The following CIMIP6 variants were observed in gnomAD, a reference collection of about 807,000 sequenced individuals.
The protein encoded by CIMIP6 is uncharacterized protein C2orf73.
chr2:54,346,771 T>A, the CIMIP6 span, among the ~76,000 whole-genome samples: 2 of 152,154 alleles, frequency 1.3e-5, no homozygotes, highest in African/African-American at 4.8e-5. Context: ...CCTGCTTCCT[T>A]TCTTCTTTCT....
chr2:54,372,570 T>C, the CIMIP6 span, among the ~76,000 whole-genome samples: 1 of 152,146 alleles, frequency 6.6e-6, no homozygotes, highest in Non-Finnish European at 1.5e-5. Context: ...AAGTCCACCA[T>C]GTAAGAAGTT....
At chr2:54,353,982 T>C in the CIMIP6 span, among the ~76,000 whole-genome samples, 1 of 152,200 alleles carries the variant, frequency 6.6e-6, no homozygotes, top group African/African-American at 2.4e-5. Context: ...GATTTTATAC[T>C]TTTACCTTCC....
chr2:54,343,409 A>G, the CIMIP6 span, among the ~76,000 whole-genome samples: 3 of 152,196 alleles, frequency 2.0e-5, no homozygotes, highest in East Asian at 5.8e-4. Flanking sequence ...GTGTACATAT[A>G]TAATAAAATC....
At chr2:54,371,603 C>T in the CIMIP6 span, among the ~76,000 whole-genome samples, 1 of 152,262 alleles carries the variant, frequency 6.6e-6, no homozygotes. Context: ...GCAGGCATCA[C>T]ACCTGCTGTT....
At chr2:54,373,040 G>T in the CIMIP6 span, among the ~76,000 whole-genome samples, 3 of 151,942 alleles carry the variant, frequency 2.0e-5, no homozygotes, top group Non-Finnish European at 4.4e-5. Context: ...TCATCCACAG[G>T]CAGTGGTCTC....
the CIMIP6 span, among the ~76,000 whole-genome samples, chr2:54,380,446 TC>T: frequency 3.9e-5 from 6 of 152,034 alleles, no homozygotes; most frequent in African/African-American, 1.5e-4. Context: ...CACTGCCTTC[TC>T]CCACCTGGAA....
At chr2:54,350,464 C>T in the CIMIP6 span, among the ~76,000 whole-genome samples, 2 of 152,208 alleles carry the variant, frequency 1.3e-5, no homozygotes, top group East Asian at 1.9e-4. Context: ...TGGGCCTCTC[C>T]TTCTCCAGGT....
the CIMIP6 span, among the ~76,000 whole-genome samples, chr2:54,377,787 G>T: frequency 8.1e-4 from 123 of 151,902 alleles, 1 homozygote; most frequent in African/African-American, 2.9e-3. Context: ...ACAGATGTTG[G>T]AGTCAAATAG....
the CIMIP6 span, among the ~76,000 whole-genome samples, chr2:54,350,280 G>T: frequency 6.6e-6 from 1 of 152,234 alleles, no homozygotes; most frequent in Non-Finnish European, 1.5e-5. Flanking sequence ...TGCATAACAA[G>T]CTACCTCAAA....
chr2:54,352,221 G>A, the CIMIP6 span, among the ~76,000 whole-genome samples: 32 of 151,788 alleles, frequency 2.1e-4, 1 homozygote, highest in Admixed American at 1.7e-3. Context: ...AATTAAAAAG[G>A]TTTACCAACC....
the CIMIP6 span, among the ~76,000 whole-genome samples, chr2:54,348,430 G>T: frequency 6.6e-6 from 1 of 151,880 alleles, no homozygotes; most frequent in Non-Finnish European, 1.5e-5. Context: ...TTCTTTCTCT[G>T]TTCTTTTGTT....
the CIMIP6 span, chr2:54,381,821 G>T: frequency 2.6e-6 from 4 of 1,516,400 alleles, no homozygotes; most frequent in Non-Finnish European, 3.5e-6. Flanking sequence ...TAATTTTTCA[G>T]TGGGTGTTCT....
the CIMIP6 span, chr2:54,360,666 C>A: frequency 8.8e-7 from 1 of 1,141,848 alleles, no homozygotes; most frequent in Non-Finnish European, 1.2e-6. Flanking sequence ...AACTTCAGAA[C>A]ATACAATTTA....
the CIMIP6 span, among the ~76,000 whole-genome samples, chr2:54,338,120 G>T: frequency 1.3e-5 from 2 of 152,050 alleles, no homozygotes; most frequent in Non-Finnish European, 1.5e-5. Context: ...CTGAGTGACA[G>T]AGTGAGACCC....
At chr2:54,338,024 C>A in the CIMIP6 span, among the ~76,000 whole-genome samples, 1 of 152,136 alleles carries the variant, frequency 6.6e-6, no homozygotes, top group Non-Finnish European at 1.5e-5. Context: ...GTGGTCCCAG[C>A]TACTTGAGAG....
the CIMIP6 span, among the ~76,000 whole-genome samples, chr2:54,356,128 C>T: frequency 6.9e-6 from 1 of 145,004 alleles, no homozygotes; most frequent in South Asian, 2.2e-4. Flanking sequence ...ATCCACCCTA[C>T]CACCCTTAAA....
the CIMIP6 span, among the ~76,000 whole-genome samples, chr2:54,362,218 T>G: frequency 2.0e-5 from 3 of 152,096 alleles, no homozygotes; most frequent in African/African-American, 7.2e-5. Context: ...AAGGAATCCC[T>G]GTTAAAGATA....
chr2:54,340,323 G>GGAGGC, the CIMIP6 span, among the ~76,000 whole-genome samples: 29 of 151,368 alleles, frequency 1.9e-4, 11 homozygotes, highest in Non-Finnish European at 2.5e-4. Flanking sequence ...TCCAATGTAA[G>GGAGGC]TGATGGTACA....
the CIMIP6 span, among the ~76,000 whole-genome samples, chr2:54,380,710 T>C: frequency 0.063 from 9,622 of 152,238 alleles, 354 homozygotes; most frequent in East Asian, 0.11. Flanking sequence ...TTCCCACACT[T>C]GCCTCTGACA....
Sources: allele counts gnomAD v4.1 joint callset (sites outside exome capture counted in the v4.1 genomes callset), GRCh38; gene constraint gnomAD v4.1.1; transcripts MANE v1.5; gene names NCBI Gene and HGNC (gene_info 2026-07-23, HGNC 2026-07-21).